NXPH2: variants seen among roughly 807,000 people sequenced by gnomAD.
NXPH2 encodes neurexophilin 2, also known as neurexophilin-2.
In NXPH2, 5 loss-of-function variants were observed where a neutral mutation model predicts 19.8. The ratio of observed to expected loss-of-function variants is 0.25; its 90% CI spans 0.13 to 0.53. The LOEUF is 0.53. Ranked by LOEUF, NXPH2 falls within the 20% of genes least tolerant of loss-of-function variation. The probability of loss-of-function intolerance (pLI) is 0.96; values close to 1 mark genes in which losing one functional copy is unlikely to be tolerated. For synonymous variants in NXPH2, 154 were observed against 127.4 expected (o/e 1.21, Z -1.41); for missense variants, 289 against 322.8 (o/e 0.90, Z 0.80).
chr2:138,752,033 G>C (rs1681836461), intron 1 of NXPH2, among the ~76,000 whole-genome samples: 1 of 152,074 alleles, frequency 6.6e-6, no homozygotes, highest in Non-Finnish European at 1.5e-5. Context: ...AAAAGGATAA[G>C]AAATAAATTT....
At chr2:138,758,591 C>G (rs1461950246) in intron 1 of NXPH2, among the ~76,000 whole-genome samples, 1 of 152,146 alleles carries the variant, frequency 6.6e-6, no homozygotes, top group Non-Finnish European at 1.5e-5. Flanking sequence ...CATGGGACTT[C>G]CTGATGAAAC....
intron 1 of NXPH2, among the ~76,000 whole-genome samples, chr2:138,768,397 G>A (rs1299925544): frequency 6.6e-6 from 1 of 152,064 alleles, no homozygotes; most frequent in African/African-American, 2.4e-5. Flanking sequence ...TTTTCTAAGG[G>A]GAATATCTAT....
chr2:138,699,727 C>A (rs1680889536), intron 1 of NXPH2, among the ~76,000 whole-genome samples: 1 of 152,150 alleles, frequency 6.6e-6, no homozygotes, highest in Admixed American at 6.5e-5. Flanking sequence ...TGAGTCAGAG[C>A]TTTGGGTGAG....
chr2:138,688,250 C>T (rs925750225), intron 1 of NXPH2, among the ~76,000 whole-genome samples: 4 of 152,192 alleles, frequency 2.6e-5, no homozygotes, highest in African/African-American at 9.6e-5. Context: ...ACGGCACAAT[C>T]TCAGGTCACT....
intron 1 of NXPH2, among the ~76,000 whole-genome samples, chr2:138,715,055 T>G (rs1484468984): frequency 2.0e-5 from 3 of 152,208 alleles, no homozygotes; most frequent in African/African-American, 7.2e-5. Context: ...GAGTGATGGA[T>G]GCATTGGTGT....
intron 1 of NXPH2, among the ~76,000 whole-genome samples, chr2:138,708,720 G>A (rs898521933): frequency 3.9e-5 from 6 of 152,174 alleles, no homozygotes; most frequent in African/African-American, 1.2e-4. Flanking sequence ...TTGCAGAAAA[G>A]TTAACTACTG....
chr2:138,774,526 A>G (rs986992901), intron 1 of NXPH2, among the ~76,000 whole-genome samples: 1 of 152,182 alleles, frequency 6.6e-6, no homozygotes. Flanking sequence ...AAAATTCAGA[A>G]CCCCTGTTAC....
chr2:138,683,016 C>T (rs1330746439), intron 1 of NXPH2, among the ~76,000 whole-genome samples: 3 of 152,186 alleles, frequency 2.0e-5, no homozygotes, highest in African/African-American at 7.2e-5. Context: ...ATTAACAGAG[C>T]TCTTTAACAA....
intron 1 of NXPH2, among the ~76,000 whole-genome samples, chr2:138,714,148 A>G (rs1251883480): frequency 6.6e-6 from 1 of 152,142 alleles, no homozygotes; most frequent in Admixed American, 6.5e-5. Context: ...CAAAATTCAT[A>G]CTAGAATAAA....
intron 1 of NXPH2, among the ~76,000 whole-genome samples, chr2:138,727,458 T>G (rs1681377008): frequency 6.6e-6 from 1 of 152,094 alleles, no homozygotes; most frequent in Admixed American, 6.5e-5. Context: ...GTTTTTTGTT[T>G]GTTTGTTTGT....
chr2:138,774,660 C>T (rs1005760095), intron 1 of NXPH2, among the ~76,000 whole-genome samples: 1 of 152,232 alleles, frequency 6.6e-6, no homozygotes, highest in Non-Finnish European at 1.5e-5. Flanking sequence ...TACACACTCA[C>T]AGGTGCACAT....
chr2:138,746,103 T>G (rs1406738891), intron 1 of NXPH2, among the ~76,000 whole-genome samples: 1 of 152,162 alleles, frequency 6.6e-6, no homozygotes, highest in Admixed American at 6.5e-5. Flanking sequence ...ATGGACTAGG[T>G]TGGCACCTTG....
chr2:138,763,117 T>C (rs1021112467), intron 1 of NXPH2, among the ~76,000 whole-genome samples: 4 of 152,124 alleles, frequency 2.6e-5, no homozygotes, highest in African/African-American at 9.7e-5. Flanking sequence ...GAAAAGACAG[T>C]AAGATAGTAA....
At chr2:138,707,867 T>A (rs1314560497) in intron 1 of NXPH2, among the ~76,000 whole-genome samples, 3 of 152,202 alleles carry the variant, frequency 2.0e-5, no homozygotes, top group Non-Finnish European at 4.4e-5. Context: ...TAGGTCCCTC[T>A]CTCTCTAAGC....
At chr2:138,695,765 A>G (rs1452174429) in intron 1 of NXPH2, among the ~76,000 whole-genome samples, 1 of 152,206 alleles carries the variant, frequency 6.6e-6, no homozygotes, top group African/African-American at 2.4e-5. Context: ...CAAAATGGGA[A>G]CATAGGCAAG....
At chr2:138,776,617 T>TTG (rs67806819) in intron 1 of NXPH2, among the ~76,000 whole-genome samples, 13 of 47,396 alleles carry the variant, frequency 2.7e-4, no homozygotes, top group Admixed American at 1.1e-3. Flanking sequence ...TATAGTGGTG[T>TTG]TTTTTTTTTT....
chr2:138,678,770 C>T (rs1213088287), intron 1 of NXPH2, among the ~76,000 whole-genome samples: 1 of 152,194 alleles, frequency 6.6e-6, no homozygotes, highest in Non-Finnish European at 1.5e-5. Context: ...ATTAGAATTA[C>T]TTGCTGACTA....
intron 1 of NXPH2, among the ~76,000 whole-genome samples, chr2:138,764,538 A>G (rs547144505): frequency 4.6e-5 from 7 of 152,352 alleles, no homozygotes; most frequent in Admixed American, 3.9e-4. Flanking sequence ...TTAGTGTTAT[A>G]GGCACATTAG....
At chr2:138,749,042 T>A (rs183917683) in intron 1 of NXPH2, among the ~76,000 whole-genome samples, 1 of 152,304 alleles carries the variant, frequency 6.6e-6, no homozygotes, top group Non-Finnish European at 1.5e-5. Context: ...GTGATATTGT[T>A]AGGCAAATTT....
Sources: allele counts gnomAD v4.1 joint callset (sites outside exome capture counted in the v4.1 genomes callset), GRCh38; gene constraint gnomAD v4.1.1; transcripts MANE v1.5; gene names NCBI Gene and HGNC (gene_info 2026-07-23, HGNC 2026-07-21).